The following MB21D2 variants were observed in gnomAD, a reference collection of about 807,000 sequenced individuals.
MB21D2 encodes the protein nucleotidyltransferase MB21D2.
A neutral mutation model predicts 33.3 loss-of-function variants in MB21D2; 9 were observed. That is an observed-to-expected ratio of 0.27 (90% CI 0.16 to 0.47). The LOEUF (loss-of-function observed/expected upper bound fraction) is 0.47, where lower values mean the gene tolerates loss of function less well. MB21D2 is among the 20% of genes least tolerant of loss of function. The pLI is 0.99. For synonymous variants in MB21D2, 241 were observed against 236.3 expected (o/e 1.02, Z -0.18); for missense variants, 540 against 624.6 (o/e 0.86, Z 1.44).
chr3:192,915,187 C>G (rs116009984), intron 1 of MB21D2, among the ~76,000 whole-genome samples: 1 of 152,070 alleles, frequency 6.6e-6, no homozygotes, highest in Non-Finnish European at 1.5e-5. Context: ...TCCACCCCCC[C>G]GCCCTGAAAT....
At chr3:192,872,538 T>C (rs1292605454) in intron 1 of MB21D2, among the ~76,000 whole-genome samples, 1 of 147,904 alleles carries the variant, frequency 6.8e-6, no homozygotes, top group Non-Finnish European at 1.5e-5. Flanking sequence ...ATCGCGCCAC[T>C]GCACTCCAGC....
At chr3:192,889,240 T>C (rs750766657) in intron 1 of MB21D2, among the ~76,000 whole-genome samples, 7 of 152,082 alleles carry the variant, frequency 4.6e-5, no homozygotes, top group Non-Finnish European at 8.8e-5. Context: ...GTTTCTCTAT[T>C]AAGATGGTTT....
chr3:192,884,863 T>C lies in MB21D2; in HGVS notation c.211+32767A>G, dbSNP rs138262250. Reference sequence around the variant, plus strand: ...ATATCTGAATACGTGGACAAATCCATGAATCACTCAGGAAAGGACAGAGTG... The same window carrying C: ...ATATCTGAATACGTGGACAAATCCACGAATCACTCAGGAAAGGACAGAGTG... On this transcript the variant is annotated intron_variant, in intron 1 of 1. Coordinates refer to ENST00000392452, the MANE Select transcript of MB21D2 (RefSeq NM_178496.4). 3.3e-5 allele frequency among the ~76,000 whole-genome samples: 5 copies of C among 152,196 alleles called. No individual in the cohort carries two copies. The East Asian group carries it at 7.7e-4, about 23-fold the overall frequency.
At chr3:192,804,811 A>G (rs1454230355) in intron 1 of MB21D2, among the ~76,000 whole-genome samples, 1 of 152,138 alleles carries the variant, frequency 6.6e-6, no homozygotes, top group Non-Finnish European at 1.5e-5. Context: ...TAAAAATATT[A>G]TGGTTTATGT....
At chr3:192,911,572 G>C (rs1219604265) in intron 1 of MB21D2, among the ~76,000 whole-genome samples, 1 of 152,162 alleles carries the variant, frequency 6.6e-6, no homozygotes, top group Non-Finnish European at 1.5e-5. Flanking sequence ...GGATTCAATA[G>C]GTCTGAATGG....
intron 1 of MB21D2, among the ~76,000 whole-genome samples, chr3:192,810,795 A>T (rs1212339814): frequency 6.6e-6 from 1 of 152,154 alleles, no homozygotes; most frequent in African/African-American, 2.4e-5. Flanking sequence ...AAGTATAACC[A>T]CCATTCTCAT....
chr3:192,863,020 C>A (rs550141658), intron 1 of MB21D2, among the ~76,000 whole-genome samples: 1 of 152,134 alleles, frequency 6.6e-6, no homozygotes, highest in African/African-American at 2.4e-5. Flanking sequence ...ATGACCTAAT[C>A]ACCTGCTGAA....
Position 192,827,752 on chromosome 3 carries a change from A to G in MB21D2, c.212-28102T>C, listed in dbSNP as rs146161796. On this transcript the variant is annotated intron_variant, in intron 1 of 1. Coordinates refer to ENST00000392452, the MANE Select transcript of MB21D2 (RefSeq NM_178496.4). The stretch of plus-strand genomic sequence containing the variant: ...AGTGTCCTTTAAGGCACTCTTCTGA[A>G]TAAACTGAAAGTTTTGCTTCCCGCT... Among the ~76,000 whole-genome samples the G allele has an allele frequency of 1.1e-3, 160 of 152,258 alleles. 2 individuals are homozygous for G. In the East Asian group the frequency reaches 0.022, roughly 21 times the overall value.
intron 1 of MB21D2, among the ~76,000 whole-genome samples, chr3:192,851,491 GTTTTT>G (rs34763701): frequency 6.1e-5 from 6 of 97,624 alleles, no homozygotes; most frequent in Admixed American, 2.4e-4. Context: ...TTTTTTGTCT[GTTTTT>G]TTTTTTTTTT....
At chr3:192,859,009 A>C (rs946535331) in intron 1 of MB21D2, among the ~76,000 whole-genome samples, 1 of 152,160 alleles carries the variant, frequency 6.6e-6, no homozygotes, top group Non-Finnish European at 1.5e-5. Flanking sequence ...CCTGATTTTA[A>C]GGTTGAGAAA....
At chr3:192,898,896 T>TGA (rs1325369644) in intron 1 of MB21D2, among the ~76,000 whole-genome samples, 1 of 152,114 alleles carries the variant, frequency 6.6e-6, no homozygotes, top group Non-Finnish European at 1.5e-5. Context: ...TTAAGTGGGA[T>TGA]GAGAGAGATG....
At chr3:192,835,149 T>TC (rs1394016113) in intron 1 of MB21D2, among the ~76,000 whole-genome samples, 12 of 89,990 alleles carry the variant, frequency 1.3e-4, no homozygotes, top group African/African-American at 7.2e-4. Context: ...TTAGAAAGTG[T>TC]CTTTAAAAAA....
chr3:192,876,055 C>T (rs1325982147), intron 1 of MB21D2, among the ~76,000 whole-genome samples: 4 of 152,136 alleles, frequency 2.6e-5, no homozygotes, highest in Non-Finnish European at 5.9e-5. Flanking sequence ...ATTAAAGGTC[C>T]CTTGCCAAAC....
chr3:192,884,524 G>A lies in MB21D2; in HGVS notation c.211+33106C>T, dbSNP rs374522783. 2.5e-4 allele frequency among the ~76,000 whole-genome samples: 30 copies of A among 120,392 alleles called. No homozygotes were observed. The South Asian group carries it at 3.2e-3, about 13-fold the overall frequency. 79.0% of individuals were successfully genotyped at this position (120,392 alleles called of 152,430 possible). On this transcript the variant is annotated intron_variant, in intron 1 of 1. Transcript: ENST00000392452. ...TGGGACTACAGGCGCCCGCCACCACGCCCGGCTAATTTTTTGTATTTTTTA... is the reference window on the plus strand; with the variant it reads ...TGGGACTACAGGCGCCCGCCACCACACCCGGCTAATTTTTTGTATTTTTTA...
At chr3:192,818,834 A>G (rs9864227) in intron 1 of MB21D2, among the ~76,000 whole-genome samples, 55,194 of 151,932 alleles carry the variant, frequency 0.36, 10,734 homozygotes, top group East Asian at 0.61. Flanking sequence ...ATATTGTTAT[A>G]TAAGTGCCTA....
rs1443160884 is a variant in MB21D2, at chr3:192,867,511, A to G, written c.211+50119T>C. Among the ~76,000 whole-genome samples, 9 of 152,216 alleles carry G rather than the reference A, an allele frequency of 5.9e-5. No homozygotes were observed. In the East Asian group the frequency reaches 1.7e-3, roughly 29 times the overall value. On this transcript the variant is annotated intron_variant, in intron 1 of 1. Transcript: ENST00000392452. ...GTGAGTACAGGTACTCTGGCTGGTT[A>G]GGGTACAGGTTTCTGTCCTGGTTGC...
intron 1 of MB21D2, among the ~76,000 whole-genome samples, chr3:192,835,270 C>G (rs189088628): frequency 6.7e-6 from 1 of 149,644 alleles, no homozygotes; most frequent in East Asian, 2.0e-4. Context: ...CTGGCTAGCA[C>G]GGTGAAACAC....
intron 1 of MB21D2, among the ~76,000 whole-genome samples, chr3:192,852,741 G>A (rs983592202): frequency 1.9e-4 from 29 of 152,304 alleles, no homozygotes; most frequent in African/African-American, 7.0e-4. Context: ...GTGAAGGTCA[G>A]TTGACTGGCA....
intron 1 of MB21D2, among the ~76,000 whole-genome samples, chr3:192,914,425 T>C (rs1302190993): frequency 2.6e-5 from 4 of 152,198 alleles, no homozygotes; most frequent in Non-Finnish European, 5.9e-5. Context: ...TTTCTGCATC[T>C]GTTCAATGGG....
Sources: allele counts gnomAD v4.1 joint callset (sites outside exome capture counted in the v4.1 genomes callset), GRCh38; gene constraint gnomAD v4.1.1; transcripts MANE v1.5; gene names NCBI Gene and HGNC (gene_info 2026-07-23, HGNC 2026-07-21).